The following SRRT variants were observed in gnomAD, a reference collection of about 807,000 sequenced individuals.
SRRT encodes the protein serrate RNA effector molecule homolog.
A neutral mutation model predicts 103.2 loss-of-function variants in SRRT; 32 were observed. The ratio of observed to expected loss-of-function variants is 0.31; its 90% CI spans 0.23 to 0.42. The LOEUF is 0.42. Ranked by LOEUF, SRRT falls within the 10% of genes least tolerant of loss-of-function variation. SRRT has a pLI of 1.00. For synonymous variants in SRRT, 525 were observed against 449.0 expected, an observed-to-expected ratio of 1.17 and a Z score of -2.14; for missense variants, 986 against 1,207.5, an observed-to-expected ratio of 0.82 and a Z score of 2.72.
At chr7:100,881,240 C>T (rs1181475598) in intron 2 of SRRT, 45 bp from the exon 3 acceptor site, 2 of 1,585,028 alleles carry the variant, frequency 1.3e-6, no homozygotes, top group African/African-American at 1.3e-5. Context: ...AGGCATGAGC[C>T]ACTGTGCCTG....
intron 2 of SRRT, among the ~76,000 whole-genome samples, chr7:100,878,353 A>G (rs544024338): frequency 7.9e-4 from 120 of 152,228 alleles, no homozygotes; most frequent in African/African-American, 2.8e-3. Flanking sequence ...ACTTCTACTA[A>G]TGTGAGCTTG....
chr7:100,880,029 CAG>C (rs775910250), intron 2 of SRRT, among the ~76,000 whole-genome samples: 2 of 152,184 alleles, frequency 1.3e-5, no homozygotes, highest in African/African-American at 2.4e-5. Flanking sequence ...AGTGGGGAGA[CAG>C]AAGCGAGAGA....
At chr7:100,883,227 C>T (rs1584746127) in intron 5 of SRRT, 1 of 152,548 alleles carries the variant, frequency 6.6e-6, no homozygotes, top group Admixed American at 6.5e-5. Context: ...TCATTCTTCT[C>T]TGTTTCTGTT....
At chr7:100,880,428 G>A (rs1478067823) in intron 2 of SRRT, among the ~76,000 whole-genome samples, 1 of 151,972 alleles carries the variant, frequency 6.6e-6, no homozygotes. Flanking sequence ...TCAGCCTCCC[G>A]AGTAGCTGGG....
Position 100,884,054 on chromosome 7 carries a change from C to T in SRRT, c.588-16C>T, listed in dbSNP as rs1354199249. On this transcript the variant is annotated splice_polypyrimidine_tract_variant and intron_variant, in intron 5 of 19. Transcript: ENST00000611405. ...CAATAACTGTTTTGTCTTTCCCTCC[C>T]CCGCTTCGTTCCCAGGTTTCGGTCT... is the stretch of plus-strand genomic sequence containing the variant. The T allele has an allele frequency of 6.4e-7, 1 of 1,566,512 alleles. No homozygotes were observed.
At position 100,884,853 on chromosome 7, in the gene SRRT, G is replaced by A; in HGVS notation, c.1041+15G>A. On this transcript the variant is annotated intron_variant, in intron 8 of 19. Coordinates refer to ENST00000611405, the MANE Select transcript of SRRT (RefSeq NM_015908.6). ...AAGCCAAAAAGGTGAGGTGTCTGTG[G>A]CCTGGGGTCAGAGTGTTGGGGCTGG... 1 of 1,613,786 alleles carries A rather than the reference G, an allele frequency of 6.2e-7. No homozygotes were observed. Among genetic ancestry groups the A allele is most frequent in the Non-Finnish European group, 8.5e-7 (1 of 1,179,742 alleles).
chr7:100,885,688 C>A lies in SRRT; in HGVS notation c.1318-13C>A. 1 of 1,603,610 alleles carries A rather than the reference C, an allele frequency of 6.2e-7. No individual in the cohort carries two copies. The highest frequency in any genetic ancestry group is 8.5e-7 in the Non-Finnish European group (1 of 1,174,442). Reference sequence around the variant, plus strand: ...CTTGAGTCACTGTGGGGCTGCTTTTCTGCTTCTTGCAGCTTTGTAAAAGGT... The same window carrying A: ...CTTGAGTCACTGTGGGGCTGCTTTTATGCTTCTTGCAGCTTTGTAAAAGGT... On this transcript the variant is annotated splice_polypyrimidine_tract_variant and intron_variant, in intron 10 of 19. Coordinates refer to ENST00000611405, the MANE Select transcript of SRRT (RefSeq NM_015908.6). The surrounding 1 kb of genome is among the most constrained non-coding windows in gnomAD (Gnocchi z 4.8).
At position 100,885,812 on chromosome 7, in the gene SRRT, C is replaced by T; in HGVS notation, c.1379+50C>T. The T allele has an allele frequency of 6.2e-7, 1 of 1,613,334 alleles. No individual in the cohort carries two copies. Among genetic ancestry groups the T allele is most frequent in the Non-Finnish European group, 8.5e-7 (1 of 1,179,286 alleles). ...GAAAAGTGCAGGGGAACGTTAATGG[C>T]CAACACCAACTCCCTCGCTTGACTA... On this transcript the variant is annotated intron_variant, in intron 11 of 19. Coordinates refer to ENST00000611405, the MANE Select transcript of SRRT (RefSeq NM_015908.6). This position sits in a 1 kb window ranked among gnomAD's most constrained non-coding sequence, Gnocchi z 4.8.
chr7:100,880,551 C>G (rs542028056), intron 2 of SRRT: 1 of 211,792 alleles, frequency 4.7e-6, no homozygotes, highest in Non-Finnish European at 1.0e-5. Context: ...GTGATCCGCC[C>G]GCCTCGGCCT....
At position 100,888,664 on chromosome 7, in the gene SRRT, G is replaced by A. The variant is rs137910416; in HGVS notation, c.*115G>A. The A allele has an allele frequency of 1.4e-6, 2 of 1,467,116 alleles. No homozygotes were observed. Among genetic ancestry groups the A allele is most frequent in the Admixed American group, 1.7e-5 (1 of 57,768 alleles). 90.9% of individuals were successfully genotyped at this position (1,467,116 alleles called of 1,614,324 possible). A position where few individuals can be genotyped will look rare whatever the true frequency, so the allele number is the denominator to read the frequency against. ...CTGCTAATAAAAGCACTTCCACAGG[G>A]CTCCTGACTCTCGTGTGTTACATAA... On this transcript the variant is annotated 3_prime_UTR_variant, in exon 20 of 20. Transcript: ENST00000611405.
At chr7:100,875,808 G>A in intron 2 of SRRT, 96 bp downstream of exon 2, 1 of 1,500,320 alleles carries the variant, frequency 6.7e-7, no homozygotes, top group Admixed American at 1.7e-5. Context: ...TTATGAGGGC[G>A]AATCCTATGA....
At chr7:100,883,392 G>T (rs533263376) in intron 5 of SRRT, among the ~76,000 whole-genome samples, 7 of 151,312 alleles carry the variant, frequency 4.6e-5, no homozygotes, top group African/African-American at 1.7e-4. Context: ...CATTTCTTCT[G>T]TTTTCCCTCT....
rs768261567 is a variant in SRRT, at chr7:100,881,710, TG to T, written c.311del (p.Gly104ValfsTer45). 28 of 1,602,832 alleles carry T rather than the reference TG, an allele frequency of 1.7e-5. No individual in the cohort carries two copies. Among genetic ancestry groups the T allele is most frequent in the African/African-American group, 5.4e-5 (4 of 74,130 alleles). On this transcript the variant is annotated frameshift_variant, in exon 4 of 20. Coordinates refer to ENST00000611405, the MANE Select transcript of SRRT (RefSeq NM_015908.6). LOFTEE classifies it high-confidence loss of function. ...ACAGTGGCTATGAGATGCCCTATGC[TG>T]GGGGGGGTGGGGGCCCAACTTATGG... ...YHSGYEMPYAGGGGGPTYGPP... is the reference protein window; with the variant it reads ...YHSGYEMPYAXGGGGPTYGPP...
intron 5 of SRRT, chr7:100,883,169 C>G (rs1789737369): frequency 6.6e-6 from 1 of 152,538 alleles, no homozygotes; most frequent in African/African-American, 2.4e-5. Flanking sequence ...TCTTCGCTGT[C>G]CCCTCTCTCG....
chr7:100,886,120 G>C, intron 12 of SRRT, 127 bp from the exon 13 acceptor site: 1 of 1,268,988 alleles, frequency 7.9e-7, no homozygotes, highest in Non-Finnish European at 1.1e-6. Context: ...AACCTATGTG[G>C]TCCCCGTCCC....
intron 2 of SRRT, among the ~76,000 whole-genome samples, chr7:100,877,398 C>T (rs1343498051): frequency 9.3e-6 from 1 of 107,860 alleles, no homozygotes; most frequent in Admixed American, 1.3e-4. Flanking sequence ...TCCGGCCTGG[C>T]GACAGAGCAA....
rs760176627 is a variant in SRRT at position 100,885,018 on chromosome 7, TGAG to T, written c.1144_1146del (p.Glu382del). The T allele has an allele frequency of 1.7e-5, 27 of 1,613,602 alleles. No individual in the cohort carries two copies. In the South Asian group the frequency reaches 2.2e-4, roughly 13 times the overall value. On this transcript the variant is annotated inframe_deletion, in exon 9 of 20. Coordinates refer to ENST00000611405, the MANE Select transcript of SRRT (RefSeq NM_015908.6). This position sits in a 1 kb window ranked among gnomAD's most constrained non-coding sequence, Gnocchi z 4.8. ...AGTCGGAGTCAGAGAGCGGCCAGGC[TGAG>T]GAGGAGAAGGAGGAGGCCGGTAGGG...
Position 100,885,025 on chromosome 7 carries a change from G to A in SRRT, c.1144G>A (p.Glu382Lys), listed in dbSNP as rs771230133. 6.2e-7 allele frequency: 1 copy of A among 1,614,018 alleles called. No individual in the cohort carries two copies. Among genetic ancestry groups the A allele is most frequent in the East Asian group, 2.2e-5 (1 of 44,886 alleles). The change falls in exon 9 of 20, where the codon GAG (glutamate) becomes AAG (lysine). Residue 382 changes from glutamate to lysine, a missense_variant. This residue lies in a region of SRRT where 166 missense variants were observed against 148.6 expected (regional missense o/e 1.12). Coordinates refer to ENST00000611405, the MANE Select transcript of SRRT (RefSeq NM_015908.6). The surrounding 1 kb of genome is among the most constrained non-coding windows in gnomAD (Gnocchi z 4.8). ...GTCAGAGAGCGGCCAGGCTGAGGAG[G>A]AGAAGGAGGAGGCCGGTAGGGTTTC... ...SESESGQAEE[E>K]KEEAEEALKE...
At position 100,885,624 on chromosome 7, in the gene SRRT, T is replaced by A; in HGVS notation, c.1318-77T>A. On this transcript the variant is annotated intron_variant, in intron 10 of 19. Coordinates refer to ENST00000611405, the MANE Select transcript of SRRT (RefSeq NM_015908.6). This position sits in a 1 kb window ranked among gnomAD's most constrained non-coding sequence, Gnocchi z 4.8. ...ATAAGGCAGTTAGTCCCTAGGGTTCTGAGGGCAGTGGGGGATTGGAGGAAG... is the reference window on the plus strand; with the variant it reads ...ATAAGGCAGTTAGTCCCTAGGGTTCAGAGGGCAGTGGGGGATTGGAGGAAG... The A allele has an allele frequency of 6.8e-7, 1 of 1,460,776 alleles. No individual in the cohort carries two copies. The highest frequency in any genetic ancestry group is 9.4e-7 in the Non-Finnish European group (1 of 1,062,896). The allele number at this position is 1,460,776 out of a possible 1,614,324, so 90.5% of individuals were successfully genotyped here. A position where few individuals can be genotyped will look rare whatever the true frequency, so the allele number is the denominator to read the frequency against.
Sources: gnomAD v4.1 joint callset for allele counts (sites outside exome capture counted in the v4.1 genomes callset) on GRCh38, gnomAD v4.1.1 for gene constraint, gnomAD v4.1.1 regional missense constraint, Gnocchi (gnomAD v3.1) non-coding constraint, MANE v1.5 for transcripts, NCBI Gene and HGNC (gene_info 2026-07-23, HGNC 2026-07-21) for gene names.